The following MCC variants were observed in gnomAD, a reference collection of about 807,000 sequenced individuals.
The protein encoded by MCC is MCC regulator of Wnt signaling pathway, also known as colorectal mutant cancer protein.
In MCC, 90 loss-of-function variants were observed where a neutral mutation model predicts 116.2. The observed-to-expected ratio is 0.77, with a 90% CI of 0.65 to 0.92. The LOEUF (loss-of-function observed/expected upper bound fraction) is 0.92. Among genes scored for constraint, MCC ranks in the 40% least tolerant of loss-of-function variants. The pLI, the probability that MCC is intolerant of heterozygous loss-of-function variation, is 0.00. For missense variants in MCC, 1,516 were observed against 1,312.2 expected, an observed-to-expected ratio of 1.16 and a Z score of -2.40; for synonymous variants, 578 against 510.5, an observed-to-expected ratio of 1.13 and a Z score of -1.78.
chr5:113,280,500 G>A (rs903282064), intron 3 of MCC, among the ~76,000 whole-genome samples: 9 of 152,296 alleles, frequency 5.9e-5, no homozygotes, highest in Admixed American at 3.3e-4. Context: ...TGAACACACT[G>A]TATTATAGAA....
chr5:113,227,188 T>C (rs572227035), intron 3 of MCC, among the ~76,000 whole-genome samples: 1 of 152,328 alleles, frequency 6.6e-6, no homozygotes, highest in African/African-American at 2.4e-5. Context: ...TTGCCCATAA[T>C]ATTTCTCTAG....
At chr5:113,152,744 T>C (rs1759954990) in intron 3 of MCC, among the ~76,000 whole-genome samples, 1 of 152,182 alleles carries the variant, frequency 6.6e-6, no homozygotes, top group South Asian at 2.1e-4. Flanking sequence ...GCAGTTGTTT[T>C]TGTTAGACTC....
chr5:113,196,665 C>G (rs151242031), intron 3 of MCC, among the ~76,000 whole-genome samples: 1 of 152,102 alleles, frequency 6.6e-6, no homozygotes, highest in African/African-American at 2.4e-5. Flanking sequence ...CTGGCTAACA[C>G]GGTGAAACCC....
At chr5:113,344,921 A>T (rs1768097095) in intron 2 of MCC, among the ~76,000 whole-genome samples, 1 of 152,050 alleles carries the variant, frequency 6.6e-6, no homozygotes, top group Non-Finnish European at 1.5e-5. Context: ...GAGGAAAGTA[A>T]AGAGGACTCT....
intron 16 of MCC, 198 bp downstream of exon 16, chr5:113,048,895 G>C (rs1752294274): frequency 1.7e-6 from 1 of 601,660 alleles, no homozygotes; most frequent in Non-Finnish European, 3.0e-6. Flanking sequence ...CATAAAGTGA[G>C]ATTTGGTATT....
intron 2 of MCC, among the ~76,000 whole-genome samples, chr5:113,353,710 A>C (rs529034787): frequency 3.3e-5 from 5 of 152,232 alleles, no homozygotes; most frequent in Non-Finnish European, 7.3e-5. Context: ...TCCCTATACC[A>C]GTCTATACTG....
intron 3 of MCC, among the ~76,000 whole-genome samples, chr5:113,293,249 A>ACC (rs1434239109): frequency 6.9e-6 from 1 of 144,216 alleles, no homozygotes; most frequent in East Asian, 2.0e-4. Context: ...ACACACACAC[A>ACC]CCCCCGCAGG....
intron 1 of MCC, among the ~76,000 whole-genome samples, chr5:113,438,300 C>T (rs983923922): frequency 6.6e-5 from 10 of 151,924 alleles, no homozygotes; most frequent in Admixed American, 3.9e-4. Flanking sequence ...TTCCATCTGC[C>T]GTACGGTGAG....
At chr5:113,468,286 T>G (rs1299876652) in intron 1 of MCC, among the ~76,000 whole-genome samples, 3 of 152,180 alleles carry the variant, frequency 2.0e-5, no homozygotes, top group Non-Finnish European at 4.4e-5. Context: ...GCTTCCAGTT[T>G]TTGCCCATTC....
At position 113,273,090 on chromosome 5, in the gene MCC, A is replaced by C. The variant is rs552196088; in HGVS notation, c.627+67429T>G. On this transcript the variant is annotated intron_variant, in intron 3 of 18. Coordinates refer to ENST00000408903, the MANE Select transcript of MCC (RefSeq NM_001085377.2). ...AGGAGAGAGAACTATTAGTTCAATA[A>C]TACTAGAAAGAAAAATAAAAGAATA... 4.6e-5 allele frequency among the ~76,000 whole-genome samples: 7 copies of C among 152,370 alleles called. No individual in the cohort carries two copies. The South Asian group carries it at 1.4e-3, about 32-fold the overall frequency.
At chr5:113,031,698 T>C (rs1750966482) in intron 17 of MCC, among the ~76,000 whole-genome samples, 1 of 152,006 alleles carries the variant, frequency 6.6e-6, no homozygotes, top group African/African-American at 2.4e-5. Flanking sequence ...CCCACTCCTA[T>C]CCACACTCAG....
intron 8 of MCC, 99 bp from the exon 9 acceptor site, chr5:113,085,409 G>T (rs1252348971): frequency 1.7e-6 from 2 of 1,195,162 alleles, no homozygotes; most frequent in African/African-American, 3.1e-5. Flanking sequence ...TACATTGAGG[G>T]ATCAGCCCAC....
intron 15 of MCC, among the ~76,000 whole-genome samples, chr5:113,053,373 C>G (rs1752610065): frequency 6.6e-6 from 1 of 152,184 alleles, no homozygotes; most frequent in Admixed American, 6.5e-5. Context: ...TTAACATCAG[C>G]ATCAGCAACC....
At chr5:113,105,458 A>C (rs987781644) in intron 6 of MCC, among the ~76,000 whole-genome samples, 9 of 152,200 alleles carry the variant, frequency 5.9e-5, no homozygotes, top group Admixed American at 2.0e-4. Context: ...TAGAGAGATC[A>C]GCCTAAGGCT....
intron 3 of MCC, among the ~76,000 whole-genome samples, chr5:113,193,956 T>C (rs1244277862): frequency 3.3e-5 from 5 of 152,216 alleles, no homozygotes; most frequent in Non-Finnish European, 5.9e-5. Flanking sequence ...ATTCCTGTTT[T>C]TGTCCAGTAC....
intron 1 of MCC, among the ~76,000 whole-genome samples, chr5:113,486,896 GATA>G (rs1483577890): frequency 1.3e-5 from 2 of 151,042 alleles, no homozygotes; most frequent in East Asian, 3.9e-4. Context: ...TTGCAAATGA[GATA>G]ATAACCTTTC....
intron 5 of MCC, among the ~76,000 whole-genome samples, chr5:113,130,353 G>A (rs1310593032): frequency 6.6e-6 from 1 of 152,094 alleles, no homozygotes; most frequent in Admixed American, 6.5e-5. Flanking sequence ...GGGGCAAGGT[G>A]AAAGACAGCA....
At chr5:113,440,091 C>CTA (rs1329006107) in intron 1 of MCC, among the ~76,000 whole-genome samples, 3 of 152,186 alleles carry the variant, frequency 2.0e-5, no homozygotes, top group Non-Finnish European at 4.4e-5. Context: ...TACATCTGAG[C>CTA]TATCATTGCT....
intron 3 of MCC, among the ~76,000 whole-genome samples, chr5:113,195,704 T>A (rs766289124): frequency 6.6e-5 from 10 of 152,244 alleles, no homozygotes; most frequent in Non-Finnish European, 1.2e-4. Flanking sequence ...AAGCCATCTC[T>A]GGCTCTGGGA....
Sources: allele counts gnomAD v4.1 joint callset (sites outside exome capture counted in the v4.1 genomes callset), GRCh38; gene constraint gnomAD v4.1.1; transcripts MANE v1.5; gene names NCBI Gene and HGNC (gene_info 2026-07-23, HGNC 2026-07-21).